Variants in LRRTM4 observed in about 807,000 individuals in gnomAD.
The protein encoded by LRRTM4 is leucine-rich repeat transmembrane neuronal protein 4.
LRRTM4 carries 25 observed loss-of-function variants against 47.6 expected under a neutral mutation model. The observed-to-expected ratio is 0.53, with a 90% confidence interval of 0.38 to 0.73. LRRTM4 has a LOEUF of 0.73. Ranked by LOEUF, LRRTM4 falls within the 30% of genes least tolerant of loss-of-function variation. The pLI, the probability that LRRTM4 is intolerant of heterozygous loss-of-function variation, is 0.00. For missense variants in LRRTM4, 638 were observed against 713.4 expected (o/e 0.89, Z 1.20); for synonymous variants, 311 against 269.5 (o/e 1.15, Z -1.51).
Position 77,083,783 on chromosome 2 carries a change from C to CTTTTTTTTTT in LRRTM4, c.1552-334877_1552-334868dup, listed in dbSNP as rs386390525. Among the ~76,000 whole-genome samples, 165 of 52,382 alleles carry CTTTTTTTTTT rather than the reference C, an allele frequency of 3.1e-3. 35 individuals are homozygous for CTTTTTTTTTT. The highest frequency in any genetic ancestry group is 5.1e-3 in the Non-Finnish European group (119 of 23,538). 34.4% of individuals were successfully genotyped at this position (52,382 alleles called of 152,430 possible). A position where few individuals can be genotyped will look rare whatever the true frequency, so the allele number is the denominator to read the frequency against. On this transcript the variant is annotated intron_variant, in intron 3 of 3. Coordinates refer to ENST00000409884, the MANE Select transcript of LRRTM4 (RefSeq NM_001134745.3). ...ACTTCTCAATTTTTAACTGGACACA[C>CTTTTTTTTTT]TTTTTTTTTTTTTTTTTTTTTTTTT...
chr2:77,118,534 G>A (rs1011828953), intron 3 of LRRTM4, among the ~76,000 whole-genome samples: 109 of 151,988 alleles, frequency 7.2e-4, no homozygotes, highest in Non-Finnish European at 4.1e-4. Context: ...CAACAGTGCT[G>A]AGGTATCATT....
chr2:77,483,198 T>C (rs1238787086), intron 3 of LRRTM4, among the ~76,000 whole-genome samples: 1 of 148,844 alleles, frequency 6.7e-6, no homozygotes, highest in Admixed American at 6.7e-5. Context: ...TAATTTACAA[T>C]GCATATACAT....
At chr2:76,820,210 ACTC>A (rs1671014174) in intron 3 of LRRTM4, among the ~76,000 whole-genome samples, 1 of 151,592 alleles carries the variant, frequency 6.6e-6, no homozygotes, top group Non-Finnish European at 1.5e-5. Flanking sequence ...TTGCATGACT[ACTC>A]TTTCAGTCTT....
intron 3 of LRRTM4, among the ~76,000 whole-genome samples, chr2:77,090,119 A>G (rs939094140): frequency 2.6e-5 from 4 of 151,976 alleles, no homozygotes; most frequent in Admixed American, 2.6e-4. Flanking sequence ...TCCACCCTAT[A>G]ATCTTTTTAT....
intron 3 of LRRTM4, among the ~76,000 whole-genome samples, chr2:77,486,627 G>T (rs1363456645): frequency 2.0e-5 from 3 of 152,106 alleles, no homozygotes; most frequent in Non-Finnish European, 4.4e-5. Context: ...GTTATATTTA[G>T]CATATAATGA....
rs549986665 is a variant in LRRTM4 at position 77,098,667 on chromosome 2, T to C, written c.1552-349751A>G. On this transcript the variant is annotated intron_variant, in intron 3 of 3. Coordinates refer to ENST00000409884, the MANE Select transcript of LRRTM4 (RefSeq NM_001134745.3). ...GATAAAATTGATCATATTTAAAGACTTCTGTGACTCAAATAATTCTACAAT... is the reference window on the plus strand; with the variant it reads ...GATAAAATTGATCATATTTAAAGACCTCTGTGACTCAAATAATTCTACAAT... Among the ~76,000 whole-genome samples the C allele has an allele frequency of 1.1e-4, 16 of 151,756 alleles. No homozygotes were observed. In the South Asian group the frequency reaches 2.9e-3, roughly 28 times the overall value.
Position 76,890,058 on chromosome 2 carries a change from A to G in LRRTM4, c.1552-141142T>C, listed in dbSNP as rs1163928175. On this transcript the variant is annotated intron_variant, in intron 3 of 3. Coordinates refer to ENST00000409884, the MANE Select transcript of LRRTM4 (RefSeq NM_001134745.3). ...GAGATCATTTGGAAATGAATGTCCC[A>G]TCCAAGATCAATGAAAAGAAATAAC... 4.6e-5 allele frequency among the ~76,000 whole-genome samples: 7 copies of G among 152,024 alleles called. 1 individual carries two copies. Among genetic ancestry groups the G allele is most frequent in the Admixed American group, 4.6e-4 (7 of 15,244 alleles).
At chr2:76,952,713 T>A (rs1194083605) in intron 3 of LRRTM4, among the ~76,000 whole-genome samples, 5 of 151,876 alleles carry the variant, frequency 3.3e-5, no homozygotes, top group African/African-American at 1.2e-4. Flanking sequence ...AGAAAATAGA[T>A]CATTCAGCAA....
intron 3 of LRRTM4, among the ~76,000 whole-genome samples, chr2:76,910,839 A>G (rs915842787): frequency 6.6e-6 from 1 of 152,180 alleles, no homozygotes; most frequent in African/African-American, 2.4e-5. Flanking sequence ...TGATTATGTC[A>G]TTAGAGCCTA....
intron 3 of LRRTM4, among the ~76,000 whole-genome samples, chr2:77,351,386 G>A (rs938837875): frequency 1.3e-5 from 2 of 151,822 alleles, no homozygotes; most frequent in Non-Finnish European, 2.9e-5. Flanking sequence ...AGATGTAAGT[G>A]TAATGATGTT....
At chr2:76,895,116 A>T (rs1197685924) in intron 3 of LRRTM4, among the ~76,000 whole-genome samples, 2 of 152,008 alleles carry the variant, frequency 1.3e-5, no homozygotes, top group African/African-American at 4.8e-5. Flanking sequence ...CCAAGTAGGT[A>T]TTCTTCCATT....
chr2:77,174,484 T>A (rs557096834), intron 3 of LRRTM4, among the ~76,000 whole-genome samples: 1 of 152,208 alleles, frequency 6.6e-6, no homozygotes, highest in South Asian at 2.1e-4. Context: ...GGGGCCTCTG[T>A]GTGGAGAAAT....
intron 3 of LRRTM4, among the ~76,000 whole-genome samples, chr2:77,018,259 C>CTTTTTTGTTTTTTTT (rs1678142419): frequency 1.3e-5 from 1 of 75,036 alleles, no homozygotes; most frequent in African/African-American, 5.2e-5. Context: ...CTCTTGATTG[C>CTTTTTTGTTTTTTTT]TTTTTTTTTT....
chr2:76,905,681 C>G (rs112061122), intron 3 of LRRTM4, among the ~76,000 whole-genome samples: 1 of 139,256 alleles, frequency 7.2e-6, no homozygotes, highest in Non-Finnish European at 1.5e-5. Context: ...ACCAAGGCTC[C>G]AGAACTACGT....
intron 3 of LRRTM4, among the ~76,000 whole-genome samples, chr2:76,840,654 T>C (rs1392543173): frequency 1.3e-5 from 2 of 152,102 alleles, no homozygotes; most frequent in African/African-American, 2.4e-5. Context: ...CCCGACTACA[T>C]GTGCAATCAT....
chr2:77,360,507 G>A (rs1231733623), intron 3 of LRRTM4, among the ~76,000 whole-genome samples: 2 of 150,064 alleles, frequency 1.3e-5, no homozygotes, highest in African/African-American at 4.9e-5. Flanking sequence ...GATACGATAC[G>A]ATACGATACG....
intron 3 of LRRTM4, among the ~76,000 whole-genome samples, chr2:76,879,899 G>A (rs1672880661): frequency 6.6e-6 from 1 of 152,212 alleles, no homozygotes; most frequent in South Asian, 2.1e-4. Flanking sequence ...TTTCAGTGGA[G>A]GAAGTAATTG....
intron 3 of LRRTM4, among the ~76,000 whole-genome samples, chr2:76,800,285 C>T (rs1402564391): frequency 6.7e-6 from 1 of 149,438 alleles, no homozygotes; most frequent in Non-Finnish European, 1.5e-5. Flanking sequence ...ACAGAGCCCT[C>T]AGAAATAGTG....
chr2:76,882,416 G>T (rs904093952), intron 3 of LRRTM4, among the ~76,000 whole-genome samples: 40 of 151,982 alleles, frequency 2.6e-4, no homozygotes, highest in Non-Finnish European at 5.7e-4. Flanking sequence ...AAAAGGCCAG[G>T]CACGGTGGCT....
Sources: gnomAD v4.1 joint callset for allele counts (sites outside exome capture counted in the v4.1 genomes callset) on GRCh38, gnomAD v4.1.1 for gene constraint, MANE v1.5 for transcripts, NCBI Gene and HGNC (gene_info 2026-07-23, HGNC 2026-07-21) for gene names.